Variants in CDC42BPG observed in about 807,000 individuals in gnomAD.
The protein encoded by CDC42BPG is CDC42 binding protein kinase gamma, also known as serine/threonine-protein kinase MRCK gamma.
In CDC42BPG, 157 loss-of-function variants were observed where a neutral mutation model predicts 192.2. That is an observed-to-expected ratio of 0.82 (90% CI 0.72 to 0.93). CDC42BPG has a LOEUF of 0.93. CDC42BPG is among the 40% of genes least tolerant of loss of function. The pLI is 0.00. For missense variants in CDC42BPG, 1,992 were observed against 2,122.1 expected (o/e 0.94, Z 1.20); for synonymous variants, 981 against 918.5 (o/e 1.07, Z -1.23).
Position 64,833,611 on chromosome 11 carries a change from G to A in CDC42BPG, c.2614C>T (p.Leu872Phe), listed in dbSNP as rs747060375. The part of the protein sequence containing the change: ...PTANTASTEG[L>F]PAKPGSHTLR... ...CTCTGGGCACTGACCTTAGCAGGAA[G>A]ACCTTCTGTAGAGGCTGTGTTGGCA... Residue 872 changes from leucine (L) to phenylalanine (F), a missense_variant, in exon 23 of 37, where the codon CTT becomes TTT. Physicochemically the swap from Leu to Phe is conservative, Grantham distance 22 (BLOSUM62 0). Around this residue, in one of 2 missense-constraint regions of CDC42BPG, gnomAD observed 1,656 missense variants for 1,844.3 expected, o/e 0.90. Transcript: ENST00000342711. 1.9e-6 allele frequency: 3 copies of A among 1,610,928 alleles called. No homozygotes were observed. In the South Asian group the frequency reaches 3.3e-5, roughly 18 times the overall value.
At chr11:64,837,057 C>G in intron 9 of CDC42BPG, 38 bp from the exon 10 acceptor site, 2 of 1,506,880 alleles carry the variant, frequency 1.3e-6, no homozygotes, top group African/African-American at 1.4e-5. Flanking sequence ...TGGTAGAAAC[C>G]TCACCCCACA....
rs770215387 is a variant in CDC42BPG, at chr11:64,838,869, C to T, written c.910G>A (p.Val304Met). 7.5e-6 allele frequency: 12 copies of T among 1,608,148 alleles called. No homozygotes were observed. Among genetic ancestry groups the T allele is most frequent in the Admixed American group, 5.0e-5 (3 of 59,760 alleles). Residue 304 changes from valine (V) to methionine (M), a missense_variant, in exon 8 of 37, where the codon GTG (valine) becomes ATG (methionine). This residue lies in a region of CDC42BPG where 1,656 missense variants were observed against 1,844.3 expected (regional missense o/e 0.90). Transcript: ENST00000342711. ...HLQFPPDVPD[V>M]PASAQDLIRQ... ...ATCAGGTCTTGGGCGCTGGCTGGCA[C>T]GTCAGGCACGTCCGGGGGGAACTGC...
At chr11:64,836,052 A>G in intron 13 of CDC42BPG, 65 bp downstream of exon 13, 2 of 1,501,382 alleles carry the variant, frequency 1.3e-6, no homozygotes, top group Non-Finnish European at 1.8e-6. Context: ...CAAGCTCCCC[A>G]TGCTCCCTCC....
chr11:64,830,392 C>T, intron 28 of CDC42BPG, 136 bp from the exon 29 acceptor site: 1 of 761,130 alleles, frequency 1.3e-6, no homozygotes, highest in Non-Finnish European at 2.2e-6. Flanking sequence ...CCCTGCCTCA[C>T]TGACCCTTCT....
rs567480261 is a variant in CDC42BPG, at chr11:64,841,893, C to T, written c.172G>A (p.Val58Ile). 2.9e-5 allele frequency: 46 copies of T among 1,607,852 alleles called. No homozygotes were observed. Among genetic ancestry groups the T allele is most frequent in the South Asian group, 1.9e-4 (17 of 90,122 alleles). ...AQFLSWASPF[V>I]SKVKELRLQR... ...AGACGCAGTTCTTTCACCTTTGATA[C>T]GAAGGGGCTGGCTGAGGGGACACAG... The change falls in exon 2 of 37, where the codon GTA becomes ATA. Residue 58 changes from valine to isoleucine, a missense_variant. Transcript: ENST00000342711.
chr11:64,836,959 C>T lies in CDC42BPG; in HGVS notation c.1266G>A (p.Leu422=). 1.2e-6 allele frequency: 2 copies of T among 1,613,522 alleles called. No individual in the cohort carries two copies. Among genetic ancestry groups the T allele is most frequent in the African/African-American group, 1.3e-5 (1 of 75,048 alleles). ...WAALERKLQC[L]EQEKVELSRK... is the part of the protein sequence containing the mutation. ...TGCTCAGCTCCACCTTCTCCTGCTC[C>T]AGACACTGGAGCTTCCGCTCCAGGG... The change falls in exon 10 of 37, where the codon CTG becomes CTA. Residue 422 remains leucine (L), a synonymous_variant. Transcript: ENST00000342711.
chr11:64,824,468 G>A lies in CDC42BPG; in HGVS notation c.*5C>T. The A allele has an allele frequency of 6.3e-7, 1 of 1,582,454 alleles. No homozygotes were observed. The highest frequency in any genetic ancestry group is 8.7e-7 in the Non-Finnish European group (1 of 1,150,598). On this transcript the variant is annotated 3_prime_UTR_variant, in exon 37 of 37. Coordinates refer to ENST00000342711, the MANE Select transcript of CDC42BPG (RefSeq NM_017525.3). Reference sequence around the variant, plus strand: ...TGGGATTGGGGTGGGCCCTAACAGAGGGCATCAAGGAGAGCTCTCCAATTC... The same window carrying A: ...TGGGATTGGGGTGGGCCCTAACAGAAGGCATCAAGGAGAGCTCTCCAATTC...
chr11:64,824,597 G>A (rs2136232591), intron 36 of CDC42BPG, 68 bp from the exon 37 acceptor site: 1 of 1,112,600 alleles, frequency 9.0e-7, no homozygotes, highest in East Asian at 2.3e-5. Flanking sequence ...AGGGCTGGTG[G>A]GTCCTGGAGG....
rs756186907 is a variant in CDC42BPG, at chr11:64,836,465, C to T, written c.1450G>A (p.Asp484Asn). ...TCAAGCTCCTGCCGTAGGTCACTGT[C>T]CTGACCTGGGCTACCAGCTGGGGGC... ...DGPPAGSPGQ[D>N]SDLRQELDRL... is the part of the protein sequence containing the mutation. Residue 484 changes from aspartate to asparagine, a missense_variant, in exon 12 of 37, where the codon GAC becomes AAC. Asp to Asn is a conservative substitution (Grantham distance 23, BLOSUM62 1). Coordinates refer to ENST00000342711, the MANE Select transcript of CDC42BPG (RefSeq NM_017525.3). The T allele has an allele frequency of 3.7e-5, 60 of 1,613,574 alleles. No homozygotes were observed. Among genetic ancestry groups the T allele is most frequent in the Admixed American group, 2.2e-4 (13 of 60,000 alleles).
intron 28 of CDC42BPG, among the ~76,000 whole-genome samples, chr11:64,831,303 G>T (rs1038789537): frequency 4.6e-5 from 7 of 152,094 alleles, no homozygotes; most frequent in Admixed American, 1.3e-4. Context: ...GAGGCACAGC[G>T]AAATGGAGTG....
chr11:64,839,026 T>C lies in CDC42BPG; in HGVS notation c.876+7A>G. On this transcript the variant is annotated splice_region_variant and intron_variant, in intron 7 of 36. Transcript: ENST00000342711. ...CCCTCTGGAAGCCCAGAGCCTGGTG[T>C]CCAGACCTCGTGGTTCATGATCTTG... The C allele has an allele frequency of 6.2e-7, 1 of 1,613,498 alleles. No individual in the cohort carries two copies. Among genetic ancestry groups the C allele is most frequent in the Non-Finnish European group, 8.5e-7 (1 of 1,180,000 alleles).
At chr11:64,826,334 A>T (rs553969827) in intron 36 of CDC42BPG, 136 bp downstream of exon 36, 49 of 674,644 alleles carry the variant, frequency 7.3e-5, no homozygotes, top group Admixed American at 2.8e-4. Flanking sequence ...ACAGGTAAGA[A>T]TCTGCATCTC....
rs1943172554 is a variant in CDC42BPG, at chr11:64,839,313, C to T, written c.676-80G>A. On this transcript the variant is annotated intron_variant, in intron 6 of 36. Coordinates refer to ENST00000342711, the MANE Select transcript of CDC42BPG (RefSeq NM_017525.3). The stretch of plus-strand genomic sequence containing the variant: ...CTGGCTCCTCGCGATGGCCCTGTCA[C>T]CCCTACTCTGCCAGGCTGGCCTGCT... 6 of 1,568,054 alleles carry T rather than the reference C, an allele frequency of 3.8e-6. 1 individual carries two copies. The South Asian group carries it at 5.6e-5, about 15-fold the overall frequency.
chr11:64,837,214 G>A (rs1943062436), intron 9 of CDC42BPG, among the ~76,000 whole-genome samples, 195 bp from the exon 10 acceptor site: 1 of 152,242 alleles, frequency 6.6e-6, no homozygotes, highest in Admixed American at 6.5e-5. Context: ...CCAGGCCCAG[G>A]TTTAAACCCT....
rs1942968576 is a variant in CDC42BPG at position 64,836,042 on chromosome 11, C to T, written c.1668+75G>A. 5 of 1,472,108 alleles carry T rather than the reference C, an allele frequency of 3.4e-6. No homozygotes were observed. The African/African-American group carries it at 5.6e-5, about 16-fold the overall frequency. 91.2% of individuals were successfully genotyped at this position (1,472,108 alleles called of 1,614,324 possible). ...ACAACCGGGAGGCAGCATCTCCCAC[C>T]AAGCTCCCCATGCTCCCTCCAGGCA... On this transcript the variant is annotated intron_variant, in intron 13 of 36. Transcript: ENST00000342711.
chr11:64,831,171 T>C (rs1942667015), intron 28 of CDC42BPG, among the ~76,000 whole-genome samples: 2 of 151,794 alleles, frequency 1.3e-5, no homozygotes, highest in Non-Finnish European at 1.5e-5. Flanking sequence ...TGAGCTGAGA[T>C]TGCACTGCTG....
In CDC42BPG at chr11:64,834,951, C is replaced by G; in HGVS notation, c.2073G>C (p.Glu691Asp). Reference sequence around the variant, plus strand: ...CCTGCAGGTAGCCTCTTGAGACCTTCTCATCATTCACCCTGAATGGGAAGG... The same window carrying G: ...CCTGCAGGTAGCCTCTTGAGACCTTGTCATCATTCACCCTGAATGGGAAGG... ...LADILSWVND[E>D]KVSRGYLQAL... The change falls in exon 18 of 37, where the codon GAG (glutamate) becomes GAC (aspartate). Residue 691 changes from glutamate to aspartate, a missense_variant. By Grantham distance (45) the Glu-to-Asp change is conservative (BLOSUM62 2). Coordinates refer to ENST00000342711, the MANE Select transcript of CDC42BPG (RefSeq NM_017525.3). The G allele has an allele frequency of 6.2e-7, 1 of 1,614,114 alleles. No individual in the cohort carries two copies. The highest frequency in any genetic ancestry group is 1.1e-5 in the South Asian group (1 of 91,086).
At chr11:64,843,554 A>C (rs1943373908) in intron 1 of CDC42BPG, among the ~76,000 whole-genome samples, 1 of 152,078 alleles carries the variant, frequency 6.6e-6, no homozygotes, top group Non-Finnish European at 1.5e-5. Flanking sequence ...CTAGTTGCCC[A>C]CTGGGCAAAC....
chr11:64,827,256 C>G (rs773073824), intron 33 of CDC42BPG, 22 bp downstream of exon 33: 1 of 1,613,060 alleles, frequency 6.2e-7, no homozygotes, highest in Non-Finnish European at 8.5e-7. Flanking sequence ...CCAGCCTCAG[C>G]CCCCGCGTCG....
Sources: allele counts gnomAD v4.1 joint callset (sites outside exome capture counted in the v4.1 genomes callset), GRCh38; gene constraint gnomAD v4.1.1; regional missense constraint gnomAD v4.1.1; transcripts MANE v1.5; gene names NCBI Gene and HGNC (gene_info 2026-07-23, HGNC 2026-07-21).